TANC2: variants seen among roughly 807,000 people sequenced by gnomAD.
The protein encoded by TANC2 is tetratricopeptide repeat, ankyrin repeat and coiled-coil containing 2, also known as protein TANC2.
In TANC2, 26 loss-of-function variants were observed where a neutral mutation model predicts 210.5. The observed-to-expected ratio is 0.12, with a 90% CI of 0.09 to 0.17. The LOEUF (loss-of-function observed/expected upper bound fraction) is 0.17. Among genes scored for constraint, TANC2 ranks in the 10% least tolerant of loss-of-function variants. The probability of loss-of-function intolerance (pLI) is 1.00; values close to 1 mark genes in which losing one functional copy is unlikely to be tolerated. For synonymous variants in TANC2, 931 were observed against 967.1 expected (o/e 0.96, Z 0.69); for missense variants, 2,129 against 2,608.9 (o/e 0.82, Z 4.01).
At chr17:63,019,801 G>A (rs2034269085) in intron 2 of TANC2, among the ~76,000 whole-genome samples, 1 of 137,750 alleles carries the variant, frequency 7.3e-6, no homozygotes, top group Non-Finnish European at 1.6e-5. Flanking sequence ...CATGTCTTTT[G>A]GCTGTCTTCA....
chr17:63,008,854 G>GT (rs1568313354), intron 1 of TANC2, among the ~76,000 whole-genome samples: 1 of 148,388 alleles, frequency 6.7e-6, no homozygotes, highest in Non-Finnish European at 1.5e-5. Context: ...GTGGTGGGGG[G>GT]TGGGGGGGCG....
At chr17:63,188,187 A>G (rs567302487) in intron 5 of TANC2, among the ~76,000 whole-genome samples, 23 of 151,992 alleles carry the variant, frequency 1.5e-4, no homozygotes, top group Non-Finnish European at 3.1e-4. Flanking sequence ...CCAGGGTGAC[A>G]TGCACCTGTA....
At chr17:63,409,676 T>C (rs2048629458) in intron 21 of TANC2, among the ~76,000 whole-genome samples, 1 of 152,186 alleles carries the variant, frequency 6.6e-6, no homozygotes, top group South Asian at 2.1e-4. Context: ...GGCTGTATAG[T>C]ATAGCCTGGT....
chr17:62,982,742 T>C (rs1006945620), intron 1 of TANC2, among the ~76,000 whole-genome samples: 3 of 152,220 alleles, frequency 2.0e-5, no homozygotes, highest in Non-Finnish European at 2.9e-5. Context: ...ATGTATGTTA[T>C]TGGTTTTTTG....
At chr17:63,263,308 TATATA>T (rs1011860975) in intron 8 of TANC2, among the ~76,000 whole-genome samples, 1 of 152,172 alleles carries the variant, frequency 6.6e-6, no homozygotes, top group African/African-American at 2.4e-5. Flanking sequence ...GTAGGATAAT[TATATA>T]TTATAACTAA....
At chr17:63,009,605 A>G (rs1221837434) in exon 2 of TANC2, 1 of 1,612,988 alleles carries the variant, frequency 6.2e-7, no homozygotes, top group Admixed American at 1.7e-5. Flanking sequence ...TGGGAAATCA[A>G]GTCGTAAAAA....
intron 3 of TANC2, 22 bp downstream of exon 3, chr17:63,074,036 T>A: frequency 6.5e-7 from 1 of 1,544,788 alleles, no homozygotes; most frequent in Non-Finnish European, 8.7e-7. Flanking sequence ...TCAGATTGAT[T>A]ATTAAATTTC....
chr17:63,163,987 TTAAA>T (rs2040118309), intron 5 of TANC2, among the ~76,000 whole-genome samples: 1 of 152,206 alleles, frequency 6.6e-6, no homozygotes, highest in Non-Finnish European at 1.5e-5. Flanking sequence ...TGAAAATTTT[TTAAA>T]TAGTAGTAGT....
intron 6 of TANC2, among the ~76,000 whole-genome samples, chr17:63,195,085 T>G (rs1021345171): frequency 6.6e-6 from 1 of 152,148 alleles, no homozygotes; most frequent in Non-Finnish European, 1.5e-5. Context: ...TTTGAATATA[T>G]TTATATATTG....
intron 2 of TANC2, among the ~76,000 whole-genome samples, chr17:63,068,434 C>T (rs554602071): frequency 8.2e-4 from 125 of 152,168 alleles, no homozygotes; most frequent in African/African-American, 1.9e-3. Flanking sequence ...TTAGTAGTTT[C>T]GCTTCTATAT....
intron 3 of TANC2, among the ~76,000 whole-genome samples, chr17:63,077,446 T>G (rs2036610737): frequency 6.6e-6 from 1 of 152,128 alleles, no homozygotes; most frequent in African/African-American, 2.4e-5. Flanking sequence ...GAAAGATCCT[T>G]CAGAATGACA....
At chr17:63,373,088 G>T (rs927057283) in intron 14 of TANC2, among the ~76,000 whole-genome samples, 1 of 151,626 alleles carries the variant, frequency 6.6e-6, no homozygotes, top group Non-Finnish European at 1.5e-5. Context: ...TGGAGATGGG[G>T]TCTCGCTATG....
rs1387422764 is a variant in TANC2, at chr17:62,966,986, G to C, written c.-24+237G>C. 24 of 152,312 alleles carry C rather than the reference G, an allele frequency of 1.6e-4. No individual in the cohort carries two copies. Among genetic ancestry groups the C allele is most frequent in the Admixed American group, 1.6e-3 (24 of 15,286 alleles). The allele number at this position is 152,312 out of a possible 1,614,324, so 9.4% of individuals were successfully genotyped here. A position where few individuals can be genotyped will look rare whatever the true frequency, so the allele number is the denominator to read the frequency against. ...GTCACCGAAGATGTCATGGAATTTGGTACCTAGAGCGTCTCTGGATGACGG... is the reference window on the plus strand; with the variant it reads ...GTCACCGAAGATGTCATGGAATTTGCTACCTAGAGCGTCTCTGGATGACGG... On this transcript the variant is annotated intron_variant, in intron 1 of 27. Coordinates refer to ENST00000689528, the Ensembl canonical transcript of TANC2. The surrounding 1 kb of genome is among the most constrained non-coding windows in gnomAD (Gnocchi z 5.1).
chr17:63,110,218 A>C (rs1008378538), intron 4 of TANC2, among the ~76,000 whole-genome samples: 1 of 151,618 alleles, frequency 6.6e-6, no homozygotes, highest in Admixed American at 6.6e-5. Context: ...CTTTACAGAA[A>C]CTGTTATTGG....
intron 7 of TANC2, among the ~76,000 whole-genome samples, chr17:63,229,358 C>T (rs916003815): frequency 3.3e-5 from 5 of 152,206 alleles, no homozygotes; most frequent in Non-Finnish European, 7.3e-5. Flanking sequence ...CGTCAATATG[C>T]ATCAGGGATA....
exon 16 of TANC2, chr17:63,388,678 G>A: frequency 6.2e-7 from 1 of 1,606,872 alleles, no homozygotes; most frequent in Non-Finnish European, 8.5e-7. Flanking sequence ...ATCCTCCAAG[G>A]TCTCTGGATC....
At chr17:63,304,961 T>C (rs1261231938) in intron 9 of TANC2, among the ~76,000 whole-genome samples, 1 of 152,204 alleles carries the variant, frequency 6.6e-6, no homozygotes, top group Non-Finnish European at 1.5e-5. Context: ...CCTGGAGCTA[T>C]AGAGATGGCT....
chr17:63,207,211 C>A (rs1424548986), intron 7 of TANC2, among the ~76,000 whole-genome samples: 1 of 113,808 alleles, frequency 8.8e-6, no homozygotes, highest in Non-Finnish European at 1.8e-5. Context: ...TTTTTTTTTC[C>A]TTTTTTTTTT....
chr17:63,394,014 C>G (rs1419108477), intron 17 of TANC2, among the ~76,000 whole-genome samples: 6 of 152,060 alleles, frequency 3.9e-5, no homozygotes, highest in Admixed American at 3.9e-4. Context: ...TCAGGTGATC[C>G]ACCCGCCTCG....
Sources: allele counts gnomAD v4.1 joint callset (sites outside exome capture counted in the v4.1 genomes callset), GRCh38; gene constraint gnomAD v4.1.1; non-coding constraint Gnocchi (gnomAD v3.1); transcripts MANE v1.5; gene names NCBI Gene and HGNC (gene_info 2026-07-23, HGNC 2026-07-21).